The following PXN variants were observed in gnomAD, a reference collection of about 807,000 sequenced individuals.
The protein encoded by PXN is testicular tissue protein Li 134.
In PXN, 61 loss-of-function variants were observed where a neutral mutation model predicts 103.6. The observed-to-expected ratio is 0.59, with a 90% confidence interval of 0.48 to 0.73. The LOEUF is 0.73. PXN is among the 30% of genes least tolerant of loss of function. PXN has a pLI of 0.00. For synonymous variants in PXN, 562 were observed against 607.8 expected (o/e 0.92, Z 1.11); for missense variants, 1,274 against 1,460.3 (o/e 0.87, Z 2.08).
intron 1 of PXN, among the ~76,000 whole-genome samples, chr12:120,242,043 G>A (rs1890238169): frequency 6.6e-6 from 1 of 152,194 alleles, no homozygotes; most frequent in Admixed American, 6.5e-5. Flanking sequence ...AGATGAGACA[G>A]GGAAGAAGGT....
rs111410482 is a variant in PXN at position 120,219,249 on chromosome 12, C to T, written c.1674G>A (p.Met558Ile). 5.6e-6 allele frequency: 9 copies of T among 1,597,106 alleles called. No homozygotes were observed. The highest frequency in any genetic ancestry group is 1.1e-5 in the South Asian group (1 of 90,974). The change falls in exon 7 of 15, where the codon ATG becomes ATA. Residue 558 changes from methionine to isoleucine, a missense_variant. This residue lies in a region of PXN where 1,178 missense variants were observed against 1,309.0 expected (regional missense o/e 0.90). Transcript: ENST00000637617. The surrounding 1 kb of genome is among the most constrained non-coding windows in gnomAD (Gnocchi z 6.5). ...EQPELPCAMA[M>I]GTPSTTERIS... ...TCCTCTCCGTGGTGCTGGGTGTGCC[C>T]ATGGCCATGGCACATGGAAGCTCTG...
chr12:120,246,639 G>A (rs1009114001), intron 1 of PXN, among the ~76,000 whole-genome samples: 3 of 152,130 alleles, frequency 2.0e-5, no homozygotes, highest in East Asian at 1.9e-4. Context: ...CAGATCGTGA[G>A]ATCAGGAGAT....
Position 120,224,837 on chromosome 12 carries a change from C to G in PXN, c.14-460G>C, listed in dbSNP as rs973459635. The G allele has an allele frequency of 7.0e-6, 3 of 425,812 alleles. No individual in the cohort carries two copies. The highest frequency in any genetic ancestry group is 2.5e-5 in the Admixed American group (1 of 40,052). 26.4% of individuals were successfully genotyped at this position (425,812 alleles called of 1,614,324 possible). Reference sequence around the variant, plus strand: ...TCTAAGAGCTTAGGCTTTCCCAGCCCCCGACTGGAAGGGGCACTCAGGATG... The same window carrying G: ...TCTAAGAGCTTAGGCTTTCCCAGCCGCCGACTGGAAGGGGCACTCAGGATG... On this transcript the variant is annotated intron_variant, in intron 1 of 14. Coordinates refer to ENST00000637617, the MANE Select transcript of PXN (RefSeq NM_001385981.1). This position sits in a 1 kb window ranked among gnomAD's most constrained non-coding sequence, Gnocchi z 5.0.
rs758708651 is a variant in PXN, at chr12:120,215,529, G to A, written c.2403+31C>T. The A allele has an allele frequency of 1.0e-5, 16 of 1,550,068 alleles. No individual in the cohort carries two copies. Among genetic ancestry groups the A allele is most frequent in the East Asian group, 2.3e-5 (1 of 44,120 alleles). On this transcript the variant is annotated intron_variant, in intron 10 of 14. Transcript: ENST00000637617. The surrounding 1 kb of genome is among the most constrained non-coding windows in gnomAD (Gnocchi z 4.9). Reference sequence around the variant, plus strand: ...GCCAAGCCCAGGGAGAGCACGACACGCAGGACACCCAGCCCAGCCTTGGCA... The same window carrying A: ...GCCAAGCCCAGGGAGAGCACGACACACAGGACACCCAGCCCAGCCTTGGCA...
Position 120,215,707 on chromosome 12 carries a change from TAAGA to T in PXN, c.2302-50_2302-47del, listed in dbSNP as rs759938853. 8.4e-6 allele frequency: 13 copies of T among 1,545,478 alleles called. No individual in the cohort carries two copies. Among genetic ancestry groups the T allele is most frequent in the Non-Finnish European group, 9.6e-6 (11 of 1,144,894 alleles). On this transcript the variant is annotated intron_variant, in intron 9 of 14. Coordinates refer to ENST00000637617, the MANE Select transcript of PXN (RefSeq NM_001385981.1). This position sits in a 1 kb window ranked among gnomAD's most constrained non-coding sequence, Gnocchi z 4.9. Reference sequence around the variant, plus strand: ...AGGGTAAGAAATCTTTTTTAAAAATTAAGAAAGAATACAAGACCTTGTCACTGGA... The same window carrying T: ...AGGGTAAGAAATCTTTTTTAAAAATTAAGAATACAAGACCTTGTCACTGGA...
rs772016027 is a variant in PXN at position 120,215,338 on chromosome 12, G to A, written c.2404-65C>T. 7 of 1,529,896 alleles carry A rather than the reference G, an allele frequency of 4.6e-6. No individual in the cohort carries two copies. Among genetic ancestry groups the A allele is most frequent in the South Asian group, 2.4e-5 (2 of 82,978 alleles). 94.8% of individuals were successfully genotyped at this position (1,529,896 alleles called of 1,614,324 possible). On this transcript the variant is annotated intron_variant, in intron 10 of 14. Coordinates refer to ENST00000637617, the MANE Select transcript of PXN (RefSeq NM_001385981.1). The surrounding 1 kb of genome is among the most constrained non-coding windows in gnomAD (Gnocchi z 4.9). ...CGGGGTACGGTGTCTGGCAGCACAG[G>A]GATGGGGGTACTTTTCTCCCTCCTG...
rs574898701 is a variant in PXN, at chr12:120,216,675, C to T, written c.1993-94G>A. 3 of 1,583,426 alleles carry T rather than the reference C, an allele frequency of 1.9e-6. No individual in the cohort carries two copies. In the East Asian group the frequency reaches 6.8e-5, roughly 36 times the overall value. Reference sequence around the variant, plus strand: ...CCTCCCCAGGCTCCCCCTGGGCCTTCCCACTCTGCACCAAGAGTGGGGCCA... The same window carrying T: ...CCTCCCCAGGCTCCCCCTGGGCCTTTCCACTCTGCACCAAGAGTGGGGCCA... On this transcript the variant is annotated intron_variant, in intron 8 of 14. Transcript: ENST00000637617. This position sits in a 1 kb window ranked among gnomAD's most constrained non-coding sequence, Gnocchi z 5.1.
Position 120,212,501 on chromosome 12 carries a change from C to T in PXN, c.3059G>A (p.Arg1020Gln), listed in dbSNP as rs372926551. Reference sequence around the variant, plus strand: ...GCAGCCAGAACACAGCGAGCCGCGCCGCTCGTGGTAGTGCACCTCACAGTA... The same window carrying T: ...GCAGCCAGAACACAGCGAGCCGCGCTGCTCGTGGTAGTGCACCTCACAGTA... ...QPYCEVHYHE[R>Q]RGSLCSGCQK... Residue 1020 changes from arginine to glutamine, a missense_variant, in exon 15 of 15, where the codon CGG becomes CAG. Arg to Gln is a conservative substitution (Grantham distance 43, BLOSUM62 1). Around this residue, in one of 2 missense-constraint regions of PXN, gnomAD observed 96 missense variants for 151.3 expected, o/e 0.63. Coordinates refer to ENST00000637617, the MANE Select transcript of PXN (RefSeq NM_001385981.1). This position sits in a 1 kb window ranked among gnomAD's most constrained non-coding sequence, Gnocchi z 7.2. The T allele has an allele frequency of 2.1e-4, 340 of 1,613,770 alleles. No individual in the cohort carries two copies. The highest frequency in any genetic ancestry group is 2.7e-4 in the Non-Finnish European group (323 of 1,179,884).
At chr12:120,227,761 C>G (rs1036063894) in intron 1 of PXN, among the ~76,000 whole-genome samples, 3 of 152,138 alleles carry the variant, frequency 2.0e-5, no homozygotes, top group Admixed American at 2.0e-4. Flanking sequence ...GAAAGAAAAC[C>G]AGAAATACAG....
rs1385371999 is a variant in PXN, at chr12:120,223,709, G to C, written c.356+9C>G. 2.6e-6 allele frequency: 4 copies of C among 1,561,450 alleles called. No individual in the cohort carries two copies. Among genetic ancestry groups the C allele is most frequent in the Non-Finnish European group, 3.5e-6 (4 of 1,147,748 alleles). The stretch of plus-strand genomic sequence containing the variant: ...GAGGGAAGGTGCCCTGGGCAGACTG[G>C]GGCAGTACCTGTAGACGTGCTCCTC... On this transcript the variant is annotated intron_variant, in intron 3 of 14. Coordinates refer to ENST00000637617, the MANE Select transcript of PXN (RefSeq NM_001385981.1).
chr12:120,214,202 G>A lies in PXN; in HGVS notation c.2764C>T (p.Leu922Phe). The A allele has an allele frequency of 6.4e-7, 1 of 1,551,718 alleles. No individual in the cohort carries two copies. The highest frequency in any genetic ancestry group is 1.7e-4 in the Middle Eastern group (1 of 5,960). Reference sequence around the variant, plus strand: ...TGTTCAGGGTGCCACGTCCGGTCAAGGGCTGTCACCACTTTCTGTGAAAGC... The same window carrying A: ...TGTTCAGGGTGCCACGTCCGGTCAAAGGCTGTCACCACTTTCTGTGAAAGC... ...GPILDKVVTA[L>F]DRTWHPEHFF... is the part of the protein sequence containing the mutation. Residue 922 changes from leucine (L) to phenylalanine (F), a missense_variant, in exon 13 of 15, where the codon CTT (leucine) becomes TTT (phenylalanine). Physicochemically the swap from Leu to Phe is conservative, Grantham distance 22. Coordinates refer to ENST00000637617, the MANE Select transcript of PXN (RefSeq NM_001385981.1). The surrounding 1 kb of genome is among the most constrained non-coding windows in gnomAD (Gnocchi z 5.0).
At chr12:120,249,900 C>T (rs923054037) in intron 1 of PXN, 6 of 985,338 alleles carry the variant, frequency 6.1e-6, no homozygotes, top group Admixed American at 6.1e-5. Flanking sequence ...ACGCATTGTG[C>T]CTGATGAAGC....
Position 120,249,649 on chromosome 12 carries a change from A to G in PXN, c.13+15968T>C, listed in dbSNP as rs1458910274. 2.0e-5 allele frequency among the ~76,000 whole-genome samples: 3 copies of G among 152,318 alleles called. No individual in the cohort carries two copies. The East Asian group carries it at 5.8e-4, about 29-fold the overall frequency. ...ACAGGATGTTTAGAAGCAGATGACC[A>G]CAAGTGACCACAGGAAGCCATGACA... On this transcript the variant is annotated intron_variant, in intron 1 of 14. Coordinates refer to ENST00000637617, the MANE Select transcript of PXN (RefSeq NM_001385981.1).
chr12:120,256,394 C>A (rs1394111829), intron 1 of PXN, among the ~76,000 whole-genome samples: 2 of 151,822 alleles, frequency 1.3e-5, no homozygotes, highest in African/African-American at 4.8e-5. Context: ...GAGAACAAGA[C>A]CCTGTGAGAA....
rs991871775 is a variant in PXN at position 120,213,912 on chromosome 12, G to A, written c.2909C>T (p.Ala970Val). ...GATATAGTTCTCCAGGATGGCCCGG[G>A]CGCAGCCGCCACACTTGGGTGCGAA... ...DMFAPKCGGCARAILENYISA... is the reference protein window; with the variant it reads ...DMFAPKCGGCVRAILENYISA... Residue 970 changes from alanine (A) to valine (V), a missense_variant, in exon 14 of 15, where the codon GCC becomes GTC. Ala to Val is a moderately conservative substitution (Grantham distance 64, BLOSUM62 0). Coordinates refer to ENST00000637617, the MANE Select transcript of PXN (RefSeq NM_001385981.1). The surrounding 1 kb of genome is among the most constrained non-coding windows in gnomAD (Gnocchi z 4.2). 10 of 1,611,004 alleles carry A rather than the reference G, an allele frequency of 6.2e-6. No individual in the cohort carries two copies. Among genetic ancestry groups the A allele is most frequent in the Non-Finnish European group, 7.6e-6 (9 of 1,179,066 alleles).
Position 120,215,035 on chromosome 12 carries a change from C to T in PXN, c.2575-37G>A. The T allele has an allele frequency of 6.2e-7, 1 of 1,605,730 alleles. No individual in the cohort carries two copies. Among genetic ancestry groups the T allele is most frequent in the Non-Finnish European group, 8.5e-7 (1 of 1,176,168 alleles). On this transcript the variant is annotated intron_variant, in intron 11 of 14. Transcript: ENST00000637617. The surrounding 1 kb of genome is among the most constrained non-coding windows in gnomAD (Gnocchi z 4.9). Reference sequence around the variant, plus strand: ...ATGGAATGCGGTCCAGGGCCAAGGCCAGCCCCGGAGCACCCCCACCCCTGC... The same window carrying T: ...ATGGAATGCGGTCCAGGGCCAAGGCTAGCCCCGGAGCACCCCCACCCCTGC...
rs10774543 is a variant in PXN at position 120,222,194 on chromosome 12, C to T, written c.695+355G>A. Among the ~76,000 whole-genome samples, 105,494 of 152,124 alleles carry T rather than the reference C, an allele frequency of 0.69. 37,064 individuals are homozygous for T. The highest frequency in any genetic ancestry group is 0.99 in the East Asian group (5,103 of 5,180). ...CCCTTACTGAGGTAGGTGGTCTTAT[C>T]CCAGTGATCCCATAAGTTCTTGTCC... On this transcript the variant is annotated intron_variant, in intron 5 of 14. Transcript: ENST00000637617. This position sits in a 1 kb window ranked among gnomAD's most constrained non-coding sequence, Gnocchi z 4.7.
chr12:120,219,701 T>G lies in PXN; in HGVS notation c.1222A>C (p.Ser408Arg). 6.3e-7 allele frequency: 1 copy of G among 1,594,208 alleles called. No homozygotes were observed. The highest frequency in any genetic ancestry group is 8.5e-7 in the Non-Finnish European group (1 of 1,178,002). Residue 408 changes from serine (S) to arginine (R), a missense_variant, in exon 7 of 15, where the codon AGC becomes CGC. Physicochemically the swap from Ser to Arg is moderately radical, Grantham distance 110. Transcript: ENST00000637617. This position sits in a 1 kb window ranked among gnomAD's most constrained non-coding sequence, Gnocchi z 6.5. ...TCCCCAGGCTCTTGGAGAGCTGTGC[T>G]CCCAGCACAGGGTACAGTGTGGCAG... ...PRCHTVPCAG[S>R]TALQEPGEPQ...
intron 1 of PXN, among the ~76,000 whole-genome samples, chr12:120,239,942 T>G (rs2136494634): frequency 6.6e-6 from 1 of 151,714 alleles, no homozygotes; most frequent in South Asian, 2.1e-4. Context: ...TTTTTTTTTT[T>G]TGGCCCACTT....
Sources: allele counts gnomAD v4.1 joint callset (sites outside exome capture counted in the v4.1 genomes callset), GRCh38; gene constraint gnomAD v4.1.1; regional missense constraint gnomAD v4.1.1; non-coding constraint Gnocchi (gnomAD v3.1); transcripts MANE v1.5; gene names NCBI Gene and HGNC (gene_info 2026-07-23, HGNC 2026-07-21).